Variants in DCLK1 observed in about 807,000 individuals in gnomAD.
DCLK1 encodes the protein serine/threonine-protein kinase DCLK1.
Under a neutral mutation model 86.2 loss-of-function variants are expected in DCLK1, and 16 were observed. The observed-to-expected ratio is 0.19, with a 90% CI of 0.13 to 0.28. The LOEUF (loss-of-function observed/expected upper bound fraction) is 0.28, where lower values mean the gene tolerates loss of function less well. Among genes scored for constraint, DCLK1 ranks in the 10% least tolerant of loss-of-function variants. The pLI, the probability that DCLK1 is intolerant of heterozygous loss-of-function variation, is 1.00. For synonymous variants in DCLK1, 369 were observed against 370.5 expected, an observed-to-expected ratio of 1.00 and a Z score of 0.05; for missense variants, 590 against 940.2, an observed-to-expected ratio of 0.63 and a Z score of 4.87.
chr13:35,809,500 C>T (rs988859183), intron 12 of DCLK1, among the ~76,000 whole-genome samples: 8 of 152,126 alleles, frequency 5.3e-5, no homozygotes, highest in African/African-American at 1.9e-4. Context: ...CATACATGAT[C>T]GTACTTTGTT....
intron 4 of DCLK1, among the ~76,000 whole-genome samples, chr13:35,906,896 G>A (rs745357344): frequency 8.5e-5 from 13 of 152,126 alleles, no homozygotes; most frequent in East Asian, 3.9e-4. Context: ...AGCCAGAGTC[G>A]AGGGCCCGGA....
At chr13:35,808,991 C>A (rs200229802) in intron 13 of DCLK1, 27 bp downstream of exon 13, 3 of 1,598,662 alleles carry the variant, frequency 1.9e-6, no homozygotes, top group East Asian at 4.5e-5. Flanking sequence ...GCTTTGTCGG[C>A]GCTGAATAAA....
chr13:35,903,831 G>A (rs777950349), intron 4 of DCLK1, among the ~76,000 whole-genome samples: 1 of 152,094 alleles, frequency 6.6e-6, no homozygotes, highest in African/African-American at 2.4e-5. Flanking sequence ...TGATCCATAT[G>A]CCAAAAGCAT....
At chr13:36,090,423 A>C (rs907209347) in intron 3 of DCLK1, among the ~76,000 whole-genome samples, 1 of 152,196 alleles carries the variant, frequency 6.6e-6, no homozygotes, top group African/African-American at 2.4e-5. Context: ...TATTAGAAGC[A>C]ACAAGCTGTT....
At chr13:36,117,107 C>T (rs1885817741) in intron 2 of DCLK1, among the ~76,000 whole-genome samples, 1 of 151,884 alleles carries the variant, frequency 6.6e-6, no homozygotes, top group African/African-American at 2.4e-5. Flanking sequence ...ATGTGTATGT[C>T]AGACCTGTGG....
At chr13:35,852,586 T>C (rs1266670997) in intron 6 of DCLK1, among the ~76,000 whole-genome samples, 3 of 152,150 alleles carry the variant, frequency 2.0e-5, no homozygotes, top group African/African-American at 4.8e-5. Context: ...GAAGAATCTA[T>C]AAGAAAGCCA....
Position 35,916,814 on chromosome 13 carries a change from G to C in DCLK1, c.823+30544C>G, listed in dbSNP as rs148586389. Among the ~76,000 whole-genome samples, 3 of 152,180 alleles carry C rather than the reference G, an allele frequency of 2.0e-5. No individual in the cohort carries two copies. In the East Asian group the frequency reaches 5.8e-4, roughly 29 times the overall value. Reference sequence around the variant, plus strand: ...GTTCAGGACATGCTGTCCTAACTACGGCACCTTGGAAGGTGAGGGCATTCA... The same window carrying C: ...GTTCAGGACATGCTGTCCTAACTACCGCACCTTGGAAGGTGAGGGCATTCA... On this transcript the variant is annotated intron_variant, in intron 4 of 16. Coordinates refer to ENST00000360631, the MANE Select transcript of DCLK1 (RefSeq NM_001330071.2).
intron 16 of DCLK1, chr13:35,788,147 G>T: frequency 6.9e-7 from 1 of 1,458,338 alleles, no homozygotes; most frequent in Non-Finnish European, 9.6e-7. Flanking sequence ...CGAAGGAACT[G>T]GTTAATGGAG....
intron 3 of DCLK1, among the ~76,000 whole-genome samples, chr13:36,094,494 T>C (rs1294502316): frequency 1.3e-5 from 2 of 152,196 alleles, no homozygotes; most frequent in East Asian, 3.9e-4. Context: ...AACTCAGAAA[T>C]GCGGACTCTT....
chr13:36,045,237 A>G (rs964529413), intron 3 of DCLK1, among the ~76,000 whole-genome samples: 1 of 142,310 alleles, frequency 7.0e-6, no homozygotes, highest in Admixed American at 7.3e-5. Flanking sequence ...CCCATGCTCT[A>G]TCTATTCAAA....
intron 8 of DCLK1, among the ~76,000 whole-genome samples, chr13:35,835,197 A>T (rs1869267666): frequency 6.6e-6 from 1 of 152,180 alleles, no homozygotes; most frequent in Admixed American, 6.5e-5. Flanking sequence ...CAGGGTGTCC[A>T]GCCCCACTGC....
At position 35,827,828 on chromosome 13, in the gene DCLK1, T is replaced by C. The variant is rs1868607236; in HGVS notation, c.1288-74A>G. On this transcript the variant is annotated intron_variant, in intron 9 of 16. Coordinates refer to ENST00000360631, the MANE Select transcript of DCLK1 (RefSeq NM_001330071.2). ...GGGCTAACTCAAATGAGTACAACTA[T>C]ACTATGTAAGGGTCAAGAGAGATGC... is the stretch of plus-strand genomic sequence containing the variant. 3.2e-6 allele frequency: 5 copies of C among 1,565,052 alleles called. 1 individual carries two copies. In the South Asian group the frequency reaches 5.7e-5, roughly 18 times the overall value.
intron 3 of DCLK1, among the ~76,000 whole-genome samples, chr13:36,073,801 C>A (rs1023133967): frequency 5.9e-5 from 9 of 152,170 alleles, no homozygotes; most frequent in Non-Finnish European, 1.5e-5. Flanking sequence ...ACATCATTGA[C>A]CTCCTCGTGC....
chr13:36,073,530 G>A (rs1401423347), intron 3 of DCLK1, among the ~76,000 whole-genome samples: 1 of 152,030 alleles, frequency 6.6e-6, no homozygotes, highest in Non-Finnish European at 1.5e-5. Flanking sequence ...TCTAAAAGCA[G>A]GTATCTGAAG....
chr13:36,064,527 C>T (rs570350914), intron 3 of DCLK1, among the ~76,000 whole-genome samples: 46 of 151,996 alleles, frequency 3.0e-4, no homozygotes, highest in African/African-American at 1.1e-3. Flanking sequence ...GGCGTGGTGG[C>T]GTGTGCCTAT....
chr13:35,788,388 T>C, intron 16 of DCLK1: 3 of 1,029,740 alleles, frequency 2.9e-6, no homozygotes, highest in Non-Finnish European at 3.0e-6. Context: ...TATATATAGT[T>C]ACGATGCCTC....
At chr13:36,062,533 C>A (rs1345391664) in intron 3 of DCLK1, among the ~76,000 whole-genome samples, 2 of 152,134 alleles carry the variant, frequency 1.3e-5, no homozygotes, top group East Asian at 3.9e-4. Context: ...ACTTAATATA[C>A]CTCTTTAAAA....
intron 6 of DCLK1, among the ~76,000 whole-genome samples, chr13:35,845,231 G>A (rs1383074549): frequency 6.6e-6 from 1 of 152,146 alleles, no homozygotes; most frequent in African/African-American, 2.4e-5. Context: ...CTCGGCAACA[G>A]AGCAAGACTC....
intron 3 of DCLK1, among the ~76,000 whole-genome samples, chr13:36,059,130 A>G (rs1883445743): frequency 6.6e-6 from 1 of 152,208 alleles, no homozygotes; most frequent in Admixed American, 6.5e-5. Flanking sequence ...TCATCATCAC[A>G]GTGCTCCATC....
Sources: gnomAD v4.1 joint callset for allele counts (sites outside exome capture counted in the v4.1 genomes callset) on GRCh38, gnomAD v4.1.1 for gene constraint, MANE v1.5 for transcripts, NCBI Gene and HGNC (gene_info 2026-07-23, HGNC 2026-07-21) for gene names.